The following KIF5C variants were observed in gnomAD, a reference collection of about 807,000 sequenced individuals.
KIF5C encodes kinesin family member 5C.
In KIF5C, 18 loss-of-function variants were observed where a neutral mutation model predicts 125.2. That is an observed-to-expected ratio of 0.14 (90% confidence interval 0.10 to 0.21). The LOEUF (loss-of-function observed/expected upper bound fraction) is 0.21. Ranked by LOEUF, KIF5C falls within the 10% of genes least tolerant of loss-of-function variation. The pLI is 1.00. For synonymous variants in KIF5C, 405 were observed against 434.0 expected, an observed-to-expected ratio of 0.93 and a Z score of 0.83; for missense variants, 780 against 1,183.8, an observed-to-expected ratio of 0.66 and a Z score of 5.01.
intron 17 of KIF5C, 68 bp from the exon 18 acceptor site, chr2:148,997,196 T>C (rs1190019033): frequency 1.9e-6 from 3 of 1,551,830 alleles, no homozygotes; most frequent in Admixed American, 3.9e-5. Context: ...TTTTTGTTTT[T>C]TAATTTTTGC....
chr2:148,925,431 C>T (rs901239613), intron 2 of KIF5C, among the ~76,000 whole-genome samples: 2 of 152,196 alleles, frequency 1.3e-5, no homozygotes, highest in African/African-American at 2.4e-5. Context: ...TTAGCTGTGA[C>T]TTATCAGGCA....
rs77002159 is a variant in KIF5C at position 148,893,856 on chromosome 2, A to G, written c.126+18113A>G. Among the ~76,000 whole-genome samples, 1,068 of 152,356 alleles carry G rather than the reference A, an allele frequency of 7.0e-3. 20 individuals are homozygous for G. The highest frequency in any genetic ancestry group is 0.024 in the African/African-American group (984 of 41,578). On this transcript the variant is annotated intron_variant, in intron 1 of 25. Coordinates refer to ENST00000435030, the MANE Select transcript of KIF5C (RefSeq NM_004522.3). ...CATTATCGCTTCCACCTGAGGACTAAAGAAGCTGCCTACATATTGCTTTTG... is the reference window on the plus strand; with the variant it reads ...CATTATCGCTTCCACCTGAGGACTAGAGAAGCTGCCTACATATTGCTTTTG...
intron 11 of KIF5C, among the ~76,000 whole-genome samples, chr2:148,971,628 T>C (rs1466561861): frequency 1.3e-5 from 2 of 152,230 alleles, no homozygotes; most frequent in East Asian, 1.9e-4. Flanking sequence ...AAGGGTTGGC[T>C]CAATTTTGTA....
chr2:148,899,213 A>C (rs1309106767), intron 1 of KIF5C, among the ~76,000 whole-genome samples: 1 of 152,216 alleles, frequency 6.6e-6, no homozygotes, highest in Non-Finnish European at 1.5e-5. Flanking sequence ...GTGACAAAGC[A>C]TAGAAAGCCA....
chr2:148,981,585 G>A (rs750810513), intron 14 of KIF5C, 24 bp downstream of exon 14: 1 of 1,562,878 alleles, frequency 6.4e-7, no homozygotes, highest in Non-Finnish European at 8.7e-7. Flanking sequence ...TGTCTAGGGG[G>A]TGGGACTTCC....
At chr2:148,930,226 A>AC (rs1682144519) in intron 3 of KIF5C, among the ~76,000 whole-genome samples, 1 of 151,846 alleles carries the variant, frequency 6.6e-6, no homozygotes, top group Admixed American at 6.6e-5. Flanking sequence ...TCAGGGTATG[A>AC]CCCCAGCTCC....
chr2:148,890,368 G>A (rs918483078), intron 1 of KIF5C, among the ~76,000 whole-genome samples: 3 of 152,004 alleles, frequency 2.0e-5, no homozygotes, highest in Non-Finnish European at 2.9e-5. Context: ...AGGTATGGTC[G>A]TGTGTACCTG....
intron 19 of KIF5C, chr2:148,998,761 TCACATA>T: frequency 2.2e-6 from 1 of 455,502 alleles, no homozygotes; most frequent in East Asian, 3.8e-5. Flanking sequence ...AGGGCCAGGG[TCACATA>T]GGTGATTCCG....
intron 13 of KIF5C, among the ~76,000 whole-genome samples, chr2:148,979,261 G>A (rs1362889670): frequency 6.6e-6 from 1 of 152,138 alleles, no homozygotes; most frequent in African/African-American, 2.4e-5. Flanking sequence ...CCTTTGGTTG[G>A]GTGATCAAGC....
chr2:148,898,943 G>A (rs949389174), intron 1 of KIF5C, among the ~76,000 whole-genome samples: 20 of 152,314 alleles, frequency 1.3e-4, no homozygotes, highest in African/African-American at 4.8e-4. Flanking sequence ...AGCAACGAAT[G>A]TTCATGAGCT....
chr2:149,020,195 T>A (rs1167182169), intron 25 of KIF5C: 2 of 152,290 alleles, frequency 1.3e-5, no homozygotes, highest in Non-Finnish European at 1.5e-5. Context: ...ATCCAGATAG[T>A]GGGAAGGATG....
At chr2:148,983,210 C>T (rs1252233370) in intron 14 of KIF5C, among the ~76,000 whole-genome samples, 1 of 151,878 alleles carries the variant, frequency 6.6e-6, no homozygotes, top group Non-Finnish European at 1.5e-5. Context: ...TGGAGGTGGC[C>T]CAGGGAGCAG....
intron 11 of KIF5C, 71 bp downstream of exon 11, chr2:148,962,190 G>A: frequency 6.7e-7 from 1 of 1,487,290 alleles, no homozygotes. Context: ...TTTTGAGACA[G>A]AGTCTCTCTC....
At chr2:148,971,282 G>GTCTATCTATCTA (rs1553467775) in intron 11 of KIF5C, among the ~76,000 whole-genome samples, 1 of 140,536 alleles carries the variant, frequency 7.1e-6, no homozygotes, top group African/African-American at 2.6e-5. Context: ...CTGTCTGTCT[G>GTCTATCTATCTA]TCTGTCTGTC....
At chr2:148,937,039 G>A (rs2105098727) in intron 3 of KIF5C, among the ~76,000 whole-genome samples, 1 of 152,278 alleles carries the variant, frequency 6.6e-6, no homozygotes, top group South Asian at 2.1e-4. Flanking sequence ...AGGCAATAAT[G>A]TGGGGCCTCA....
chr2:148,908,348 A>G (rs1394041864), intron 1 of KIF5C, among the ~76,000 whole-genome samples: 1 of 152,224 alleles, frequency 6.6e-6, no homozygotes, highest in Non-Finnish European at 1.5e-5. Flanking sequence ...ATGATGGAGA[A>G]CAGCTCTCTC....
intron 10 of KIF5C, among the ~76,000 whole-genome samples, chr2:148,956,338 C>T (rs1478566362): frequency 2.0e-5 from 3 of 152,186 alleles, no homozygotes; most frequent in Non-Finnish European, 4.4e-5. Flanking sequence ...GTAGTTTCCT[C>T]TTTCCATTCT....
At chr2:148,971,449 T>G (rs1680906506) in intron 11 of KIF5C, among the ~76,000 whole-genome samples, 1 of 152,196 alleles carries the variant, frequency 6.6e-6, no homozygotes, top group African/African-American at 2.4e-5. Flanking sequence ...TGAAATCCAG[T>G]CTGCACACTA....
intron 10 of KIF5C, among the ~76,000 whole-genome samples, chr2:148,958,996 A>AT (rs1682863736): frequency 6.6e-6 from 1 of 151,336 alleles, no homozygotes; most frequent in Non-Finnish European, 1.5e-5. Flanking sequence ...AAAAAAAAAA[A>AT]CTTTGCCTAC....
Sources: allele counts gnomAD v4.1 joint callset (sites outside exome capture counted in the v4.1 genomes callset), GRCh38; gene constraint gnomAD v4.1.1; transcripts MANE v1.5; gene names NCBI Gene and HGNC (gene_info 2026-07-23, HGNC 2026-07-21).